The following CPA3 variants were observed in gnomAD, a reference collection of about 807,000 sequenced individuals.
The protein encoded by CPA3 is carboxypeptidase A3, also known as mast cell carboxypeptidase A.
In CPA3, 52 loss-of-function variants were observed where a neutral mutation model predicts 55.8. That is an observed-to-expected ratio of 0.93 (90% confidence interval 0.75 to 1.17). CPA3 has a LOEUF of 1.17. Among genes scored for constraint, CPA3 ranks in the 50% most tolerant of loss-of-function variants. The pLI, the probability that CPA3 is intolerant of heterozygous loss-of-function variation, is 0.00. For missense variants in CPA3, 547 were observed against 509.1 expected (o/e 1.07, Z -0.72); for synonymous variants, 179 against 171.2 (o/e 1.05, Z -0.36).
At position 148,865,385 on chromosome 3, in the gene CPA3, A is replaced by T. The variant is rs755305712; in HGVS notation, c.68+10A>T. On this transcript the variant is annotated intron_variant, in intron 1 of 10. Coordinates refer to ENST00000296046, the MANE Select transcript of CPA3 (RefSeq NM_001870.4). ...CTGTCCGCTTTGACAGGTAAATCTT[A>T]CTTCCTGTGTTCCAGTCTCTGTGTA... 7 of 1,613,152 alleles carry T rather than the reference A, an allele frequency of 4.3e-6. No individual in the cohort carries two copies. The highest frequency in any genetic ancestry group is 3.4e-6 in the Non-Finnish European group (4 of 1,179,812).
At chr3:148,876,197 TG>T (rs1240461068) in intron 3 of CPA3, among the ~76,000 whole-genome samples, 2 of 109,432 alleles carry the variant, frequency 1.8e-5, no homozygotes, top group East Asian at 5.7e-4. Flanking sequence ...GTCAAAAAAC[TG>T]GTAAAATATA....
At position 148,886,158 on chromosome 3, in the gene CPA3, C is replaced by T; in HGVS notation, c.1047C>T (p.Gly349=). ...GATATGAAACCCGCTACATCTATGG[C>T]CCAATAGAATCAACAATTTGTAAGT... is the stretch of plus-strand genomic sequence containing the variant. The part of the protein sequence containing the change: ...STRYETRYIY[G]PIESTIYPIS... The change falls in exon 10 of 11, where the codon GGC becomes GGT. Residue 349 remains glycine, a synonymous_variant. Coordinates refer to ENST00000296046, the MANE Select transcript of CPA3 (RefSeq NM_001870.4). The T allele has an allele frequency of 6.2e-7, 1 of 1,610,152 alleles. No homozygotes were observed. The highest frequency in any genetic ancestry group is 8.5e-7 in the Non-Finnish European group (1 of 1,177,168).
intron 9 of CPA3, 140 bp from the exon 10 acceptor site, chr3:148,885,953 C>G: frequency 6.2e-6 from 4 of 649,650 alleles, no homozygotes; most frequent in African/African-American, 1.9e-5. Context: ...TGTTATGAGT[C>G]TTGAAACTAA....
In CPA3 at chr3:148,879,057, G is replaced by A. The variant is rs141872376; in HGVS notation, c.474+309G>A. On this transcript the variant is annotated intron_variant, in intron 5 of 10. Coordinates refer to ENST00000296046, the MANE Select transcript of CPA3 (RefSeq NM_001870.4). The stretch of plus-strand genomic sequence containing the variant: ...AAAAACCCTCATCCCTTAAAATGCA[G>A]TGAAACTGATGAATGAATGTCATGA... Among the ~76,000 whole-genome samples, 17 of 152,206 alleles carry A rather than the reference G, an allele frequency of 1.1e-4. No homozygotes were observed. In the East Asian group the frequency reaches 2.9e-3, roughly 26 times the overall value.
chr3:148,892,361 C>T (rs1225198589), intron 10 of CPA3, among the ~76,000 whole-genome samples: 1 of 152,112 alleles, frequency 6.6e-6, no homozygotes, highest in African/African-American at 2.4e-5. Flanking sequence ...GCTTTGAAAA[C>T]TATATTGTCA....
chr3:148,889,686 A>G (rs1401950617), intron 10 of CPA3, among the ~76,000 whole-genome samples: 2 of 152,032 alleles, frequency 1.3e-5, no homozygotes, highest in Non-Finnish European at 2.9e-5. Flanking sequence ...TCTGGCCAAC[A>G]TGGTGAAACC....
At chr3:148,892,456 C>A (rs1005162454) in intron 10 of CPA3, among the ~76,000 whole-genome samples, 1 of 152,122 alleles carries the variant, frequency 6.6e-6, no homozygotes, top group Admixed American at 6.5e-5. Flanking sequence ...AGTCCGAGAC[C>A]AGCCTGGCCA....
intron 10 of CPA3, among the ~76,000 whole-genome samples, chr3:148,892,447 G>A (rs1254684361): frequency 2.6e-5 from 4 of 152,086 alleles, no homozygotes; most frequent in African/African-American, 7.2e-5. Flanking sequence ...GAGAACAGGA[G>A]TCCGAGACCA....
chr3:148,883,028 G>A (rs1475994113), intron 8 of CPA3, among the ~76,000 whole-genome samples: 2 of 152,178 alleles, frequency 1.3e-5, no homozygotes, highest in Admixed American at 6.5e-5. Context: ...GATAAGCAGA[G>A]GCCTGCTACA....
rs1576581666 is a variant in CPA3, at chr3:148,878,496, G to T, written c.325G>T (p.Asp109Tyr). 1.2e-6 allele frequency: 2 copies of T among 1,613,656 alleles called. No individual in the cohort carries two copies. The highest frequency in any genetic ancestry group is 1.7e-6 in the Non-Finnish European group (2 of 1,179,696). Residue 109 changes from aspartate to tyrosine, a missense_variant, in exon 4 of 11, where the codon GAT (aspartate) becomes TAT (tyrosine). By Grantham distance (160) the Asp-to-Tyr change is radical (BLOSUM62 -3). Transcript: ENST00000296046. ...EIEKQFDVKE[D>Y]IPGRHSYAKY... is the part of the protein sequence containing the mutation. ...TGAGAAACAGTTTGATGTTAAAGAA[G>T]ATATCCCAGGCAGGCACAGCTACGC...
At chr3:148,896,437 G>T in intron 10 of CPA3, 83 bp from the exon 11 acceptor site, 1 of 1,174,250 alleles carries the variant, frequency 8.5e-7, no homozygotes. Flanking sequence ...ATTTTTTATT[G>T]CTAATTATAC....
chr3:148,868,792 T>A (rs529640999), intron 2 of CPA3, 123 bp from the exon 3 acceptor site: 2 of 1,016,060 alleles, frequency 2.0e-6, no homozygotes, highest in Non-Finnish European at 2.8e-6. Context: ...AAAAGAAGGG[T>A]CTGTATCTTA....
intron 3 of CPA3, among the ~76,000 whole-genome samples, chr3:148,874,773 G>A (rs1200354732): frequency 6.6e-6 from 1 of 152,194 alleles, no homozygotes; most frequent in Non-Finnish European, 1.5e-5. Context: ...GTAGAGTGGA[G>A]CTCAGCAGTG....
intron 8 of CPA3, 67 bp from the exon 9 acceptor site, chr3:148,883,546 T>C: frequency 1.6e-6 from 2 of 1,274,044 alleles, no homozygotes; most frequent in East Asian, 2.3e-5. Flanking sequence ...CTATAATACA[T>C]TAGAAGAGGC....
chr3:148,896,754 CT>C lies in CPA3; in HGVS notation c.*50del. 7.2e-7 allele frequency: 1 copy of C among 1,383,148 alleles called. No homozygotes were observed. Among genetic ancestry groups the C allele is most frequent in the South Asian group, 1.9e-5 (1 of 52,420 alleles). 85.7% of individuals were successfully genotyped at this position (1,383,148 alleles called of 1,614,324 possible). A position where few individuals can be genotyped will look rare whatever the true frequency, so the allele number is the denominator to read the frequency against. Reference sequence around the variant, plus strand: ...TAAGCCAATTAATCCTTTTTTGTGCCTTTCATCAGAAAGTCAATCTTCAGTT... The same window carrying C: ...TAAGCCAATTAATCCTTTTTTGTGCCTTCATCAGAAAGTCAATCTTCAGTT... On this transcript the variant is annotated 3_prime_UTR_variant, in exon 11 of 11. Transcript: ENST00000296046.
intron 7 of CPA3, 56 bp downstream of exon 7, chr3:148,881,688 A>G: frequency 9.1e-7 from 1 of 1,099,062 alleles, no homozygotes; most frequent in Non-Finnish European, 1.4e-6. Context: ...GCTTTAATAC[A>G]CAATGTTATG....
At chr3:148,885,406 CTTTTTTTTTTTTTT>C (rs10712598) in intron 9 of CPA3, among the ~76,000 whole-genome samples, 1 of 88,340 alleles carries the variant, frequency 1.1e-5, no homozygotes. Context: ...ATATTTAAGT[CTTTTTTTTTTTTTT>C]TTTTTTTTTT....
rs1242938207 is a variant in CPA3 at position 148,865,323 on chromosome 3, C to T, written c.16C>T (p.Pro6Ser). 6.2e-7 allele frequency: 1 copy of T among 1,614,122 alleles called. No individual in the cohort carries two copies. Among genetic ancestry groups the T allele is most frequent in the South Asian group, 1.1e-5 (1 of 91,086 alleles). MRLIL[P>S]VGLIATTLAI... Reference sequence around the variant, plus strand: ...AAGAAGAACCATGAGGCTCATCCTGCCTGTGGGTTTGATTGCTACCACTCT... The same window carrying T: ...AAGAAGAACCATGAGGCTCATCCTGTCTGTGGGTTTGATTGCTACCACTCT... The change falls in exon 1 of 11, where the codon CCT (proline) becomes TCT (serine). Residue 6 changes from proline to serine, a missense_variant. Physicochemically the swap from Pro to Ser is moderately conservative, Grantham distance 74. Transcript: ENST00000296046.
At chr3:148,880,914 C>T (rs1435188000) in intron 6 of CPA3, among the ~76,000 whole-genome samples, 3 of 151,972 alleles carry the variant, frequency 2.0e-5, no homozygotes, top group African/African-American at 4.8e-5. Flanking sequence ...CACAGGTCTA[C>T]AAAAAATCTT....
Sources: gnomAD v4.1 joint callset for allele counts (sites outside exome capture counted in the v4.1 genomes callset) on GRCh38, gnomAD v4.1.1 for gene constraint, MANE v1.5 for transcripts, NCBI Gene and HGNC (gene_info 2026-07-23, HGNC 2026-07-21) for gene names.